ATG10: variants seen among roughly 807,000 people sequenced by gnomAD.
ATG10 encodes the protein autophagy related 10.
ATG10 carries 30 observed loss-of-function variants against 32.1 expected under a neutral mutation model. That is an observed-to-expected ratio of 0.94 (90% confidence interval 0.70 to 1.27). ATG10 has a LOEUF of 1.27. Among genes scored for constraint, ATG10 ranks in the 50% most tolerant of loss-of-function variants. The pLI, the probability that ATG10 is intolerant of heterozygous loss-of-function variation, is 0.00. For synonymous variants in ATG10, 87 were observed against 91.5 expected (o/e 0.95, Z 0.28); for missense variants, 233 against 262.3 (o/e 0.89, Z 0.77).
chr5:82,110,489 A>G (rs1765583649), intron 3 of ATG10, among the ~76,000 whole-genome samples: 7 of 152,134 alleles, frequency 4.6e-5, no homozygotes. Context: ...AATGATCGCC[A>G]TTCTAACTGG....
chr5:82,114,733 A>G (rs1012473990), intron 3 of ATG10, among the ~76,000 whole-genome samples: 1 of 152,054 alleles, frequency 6.6e-6, no homozygotes, highest in African/African-American at 2.4e-5. Flanking sequence ...TCTTCGGTTT[A>G]CAGTGAGACT....
At chr5:82,054,512 C>T (rs568511696) in intron 2 of ATG10, among the ~76,000 whole-genome samples, 1 of 152,152 alleles carries the variant, frequency 6.6e-6, no homozygotes, top group Non-Finnish European at 1.5e-5. Flanking sequence ...AAGCCATGGT[C>T]CTGCTCTCTT....
At chr5:82,007,183 A>T (rs1581591369) in intron 2 of ATG10, among the ~76,000 whole-genome samples, 1 of 152,290 alleles carries the variant, frequency 6.6e-6, no homozygotes, top group African/African-American at 2.4e-5. Context: ...CATTATTTCT[A>T]CAAATTTTGA....
At chr5:82,060,561 G>A (rs1315998462) in intron 3 of ATG10, among the ~76,000 whole-genome samples, 1 of 152,068 alleles carries the variant, frequency 6.6e-6, no homozygotes, top group Admixed American at 6.6e-5. Flanking sequence ...GTTTAATTAC[G>A]CAGGTTAAAG....
intron 5 of ATG10, among the ~76,000 whole-genome samples, chr5:82,232,170 G>T (rs78535069): frequency 0.02 from 3,101 of 152,250 alleles, 113 homozygotes; most frequent in African/African-American, 0.071. Context: ...CTCAAAAGTG[G>T]TGTCCTTGGT....
chr5:82,012,336 C>G (rs377573472), intron 2 of ATG10, among the ~76,000 whole-genome samples: 1 of 152,316 alleles, frequency 6.6e-6, no homozygotes, highest in South Asian at 2.1e-4. Flanking sequence ...GTCCTGCCTC[C>G]CGAGGCCACA....
chr5:82,080,748 CTGTTT>C (rs1764450587), intron 3 of ATG10, among the ~76,000 whole-genome samples: 1 of 152,188 alleles, frequency 6.6e-6, no homozygotes, highest in African/African-American at 2.4e-5. Flanking sequence ...CAGTACCATG[CTGTTT>C]TGGTTACTGT....
chr5:82,226,593 A>G (rs1314263795), intron 5 of ATG10, among the ~76,000 whole-genome samples: 1 of 152,216 alleles, frequency 6.6e-6, no homozygotes, highest in Non-Finnish European at 1.5e-5. Flanking sequence ...ACAATGATAT[A>G]TAACTTGTAT....
At chr5:81,997,690 C>T (rs1761710741) in intron 2 of ATG10, among the ~76,000 whole-genome samples, 1 of 151,930 alleles carries the variant, frequency 6.6e-6, no homozygotes. Context: ...TAAGAAAGAA[C>T]CAAACTGATC....
At chr5:82,183,987 C>T (rs551340608) in intron 5 of ATG10, among the ~76,000 whole-genome samples, 3 of 152,314 alleles carry the variant, frequency 2.0e-5, no homozygotes, top group South Asian at 2.1e-4. Context: ...TGATACAACC[C>T]ATGTGGCTTT....
In ATG10 at chr5:82,164,273, C is replaced by T. The variant is rs545837915; in HGVS notation, c.217-126C>T. 139 of 943,146 alleles carry T rather than the reference C, an allele frequency of 1.5e-4. 1 individual carries two copies. The South Asian group carries it at 2.1e-3, about 14-fold the overall frequency. The allele number at this position is 943,146 out of a possible 1,614,324, so 58.4% of individuals were successfully genotyped here. ...CATTAATATGGGAAACTCCCTTTTC[C>T]TTGCCTCATAGCCTTATATTTATTT... On this transcript the variant is annotated intron_variant, in intron 3 of 7. Transcript: ENST00000282185.
At chr5:82,234,761 A>G (rs1746493265) in intron 5 of ATG10, among the ~76,000 whole-genome samples, 1 of 152,106 alleles carries the variant, frequency 6.6e-6, no homozygotes, top group Admixed American at 6.5e-5. Flanking sequence ...CAGTTCATAC[A>G]CTTGTTTGTG....
intron 4 of ATG10, among the ~76,000 whole-genome samples, chr5:82,169,539 G>C (rs1490949839): frequency 1.3e-5 from 2 of 149,508 alleles, no homozygotes; most frequent in Admixed American, 6.7e-5. Context: ...TAAGACTGGG[G>C]CAAAAACGAC....
chr5:81,999,757 C>T (rs1037625144), intron 2 of ATG10, among the ~76,000 whole-genome samples: 3 of 152,014 alleles, frequency 2.0e-5, no homozygotes, highest in African/African-American at 7.2e-5. Flanking sequence ...CTACTACAAA[C>T]ACCTCTGCAC....
Position 81,983,126 on chromosome 5 carries a change from G to A in ATG10, c.-12-4433G>A, listed in dbSNP as rs1234069769. 2.0e-5 allele frequency among the ~76,000 whole-genome samples: 3 copies of A among 151,884 alleles called. No individual in the cohort carries two copies. The East Asian group carries it at 5.9e-4, about 30-fold the overall frequency. On this transcript the variant is annotated intron_variant, in intron 1 of 7. Transcript: ENST00000282185. ...AGGGGCTCCTCACTTCCCAGTAGGG[G>A]CGGCCGGACAGAGGTGCCCCTCACC...
chr5:82,086,499 C>T (rs143589370), intron 3 of ATG10, among the ~76,000 whole-genome samples: 2 of 152,346 alleles, frequency 1.3e-5, no homozygotes, highest in African/African-American at 4.8e-5. Flanking sequence ...TCTACCCCTA[C>T]ATGGCCTCTC....
intron 2 of ATG10, among the ~76,000 whole-genome samples, chr5:82,008,913 A>G (rs1376731954): frequency 8.5e-5 from 13 of 152,246 alleles, no homozygotes; most frequent in Admixed American, 8.5e-4. Context: ...GTATTAATTT[A>G]TAATAAGTAG....
intron 3 of ATG10, among the ~76,000 whole-genome samples, chr5:82,106,345 C>T (rs1177386257): frequency 2.6e-5 from 4 of 152,060 alleles, no homozygotes; most frequent in Non-Finnish European, 5.9e-5. Context: ...TGTTTAGTCA[C>T]GGGATCATAG....
At chr5:82,250,201 T>C (rs1747197712) in intron 5 of ATG10, among the ~76,000 whole-genome samples, 1 of 152,262 alleles carries the variant, frequency 6.6e-6, no homozygotes, top group Non-Finnish European at 1.5e-5. Flanking sequence ...GCATTTTTCC[T>C]GCATATTTTC....
Sources: gnomAD v4.1 joint callset for allele counts (sites outside exome capture counted in the v4.1 genomes callset) on GRCh38, gnomAD v4.1.1 for gene constraint, MANE v1.5 for transcripts, NCBI Gene and HGNC (gene_info 2026-07-23, HGNC 2026-07-21) for gene names.